The following ARHGEF9 variants were observed in gnomAD, a reference collection of about 807,000 sequenced individuals.
The protein encoded by ARHGEF9 is Cdc42 guanine nucleotide exchange factor 9.
A neutral mutation model predicts 41.3 loss-of-function variants in ARHGEF9; 2 were observed. That is an observed-to-expected ratio of 0.05 (90% CI 0.02 to 0.15). The LOEUF is 0.15. Ranked by LOEUF, ARHGEF9 falls within the 10% of genes least tolerant of loss-of-function variation. The probability of loss-of-function intolerance (pLI) is 1.00; values close to 1 mark genes in which losing one functional copy is unlikely to be tolerated. For synonymous variants in ARHGEF9, 160 were observed against 154.4 expected (o/e 1.04, Z -0.27); for missense variants, 225 against 424.7 (o/e 0.53, Z 4.13).
intron 3 of ARHGEF9, 100 bp downstream of exon 3, chrX:63,706,158 G>T (rs1302300059): frequency 3.8e-5 from 35 of 920,153 alleles, no homozygotes; most frequent in Non-Finnish European, 5.0e-5. Context: ...AATCTGGGAG[G>T]CTATGTGCCC....
chrX:63,712,996 T>C (rs188260389), intron 2 of ARHGEF9: 94 of 111,828 alleles, frequency 8.4e-4, no homozygotes, highest in African/African-American at 3.0e-3. Flanking sequence ...AATGGATCAG[T>C]AGTTCTAAAA....
At chrX:63,740,507 T>C (rs1379517410) in intron 1 of ARHGEF9, among the ~76,000 whole-genome samples, 1 of 112,365 alleles carries the variant, frequency 8.9e-6, no homozygotes, top group Non-Finnish European at 1.9e-5. Flanking sequence ...AGGGCAATAC[T>C]GGATGTTTTA....
At position 63,760,225 on chromosome X, in the gene ARHGEF9, C is replaced by T. The variant is rs150308721; in HGVS notation, c.30+24891G>A. Among the ~76,000 whole-genome samples, 200 of 110,761 alleles carry T rather than the reference C, an allele frequency of 1.8e-3. 1 individual carries two copies. The highest frequency in any genetic ancestry group is 6.2e-3 in the African/African-American group (190 of 30,476). ...TCCCGATCTCCACTGCTGCTCACTT[C>T]CCATCCAACCCCTACCCTAGCTTCC... On this transcript the variant is annotated intron_variant, in intron 1 of 9. Transcript: ENST00000671741.
intron 2 of ARHGEF9, among the ~76,000 whole-genome samples, chrX:63,722,468 C>T (rs1344694727): frequency 2.0e-5 from 2 of 99,432 alleles, no homozygotes; most frequent in African/African-American, 7.5e-5. Flanking sequence ...GGGTTGAGAA[C>T]CACTTGAGCT....
At chrX:63,703,073 T>A (rs1386656482) in intron 3 of ARHGEF9, 2 of 112,277 alleles carry the variant, frequency 1.8e-5, no homozygotes, top group African/African-American at 6.5e-5. Context: ...GCTAAACTAC[T>A]GTCTTCTGAT....
chrX:63,761,654 G>C (rs1556449707), intron 1 of ARHGEF9, among the ~76,000 whole-genome samples: 1 of 111,346 alleles, frequency 9.0e-6, no homozygotes, highest in Non-Finnish European at 1.9e-5. Context: ...AGAATTTCAA[G>C]ATCTCTTTAG....
intron 1 of ARHGEF9, among the ~76,000 whole-genome samples, chrX:63,750,475 C>A (rs2055556492): frequency 9.0e-6 from 1 of 111,453 alleles, no homozygotes; most frequent in South Asian, 3.8e-4. Context: ...AACTACTACA[C>A]CAAAACCACA....
Position 63,635,631 on chromosome X carries a change from G to C in ARHGEF9, c.*2397C>G, listed in dbSNP as rs2047281853. On this transcript the variant is annotated 3_prime_UTR_variant, in exon 10 of 10. Transcript: ENST00000671741. ...TAGTGGCATCAGGTGATGCCAGTGG[G>C]TTCAGTAGAGGAGAAGTGCGGGTTG... is the stretch of plus-strand genomic sequence containing the variant. 4 of 364,389 alleles carry C rather than the reference G, an allele frequency of 1.1e-5. No individual in the cohort carries two copies. Among genetic ancestry groups the C allele is most frequent in the Non-Finnish European group, 1.9e-5 (4 of 212,949 alleles). 30.0% of individuals were successfully genotyped at this position (364,389 alleles called of 1,213,427 possible).
At chrX:63,766,989 T>A (rs1232574094) in intron 1 of ARHGEF9, 1 of 646,731 alleles carries the variant, frequency 1.5e-6, no homozygotes, top group Non-Finnish European at 2.5e-6. Flanking sequence ...AAAACTTCAG[T>A]TCTCCTTAAA....
In ARHGEF9 at chrX:63,635,980, C is replaced by G. The variant is rs781800788; in HGVS notation, c.*2048G>C. On this transcript the variant is annotated 3_prime_UTR_variant, in exon 10 of 10. Transcript: ENST00000671741. ...TGTGCTGAACAGTGGTGGCCAGTCC[C>G]GAGCCCCGGCCCTCTCCCCAGATCA... The G allele has an allele frequency of 8.9e-6, 1 of 112,906 alleles. No homozygotes were observed. The highest frequency in any genetic ancestry group is 9.4e-5 in the Admixed American group (1 of 10,659). 9.3% of individuals were successfully genotyped at this position (112,906 alleles called of 1,213,427 possible).
chrX:63,753,489 C>T (rs2055776953), intron 1 of ARHGEF9, among the ~76,000 whole-genome samples: 1 of 110,159 alleles, frequency 9.1e-6, no homozygotes, highest in African/African-American at 3.3e-5. Context: ...GGAGCCATAT[C>T]CAAATACTAT....
intron 1 of ARHGEF9, among the ~76,000 whole-genome samples, chrX:63,761,528 G>A (rs2056033940): frequency 9.0e-6 from 1 of 111,622 alleles, no homozygotes; most frequent in Admixed American, 9.5e-5. Flanking sequence ...AGGAAGTCTT[G>A]TTATGGAAAG....
At chrX:63,777,845 G>T (rs1247465139) in intron 1 of ARHGEF9, among the ~76,000 whole-genome samples, 1 of 112,856 alleles carries the variant, frequency 8.9e-6, no homozygotes, top group Non-Finnish European at 1.9e-5. Context: ...GACTCCCACA[G>T]GCTTGGGCAA....
At chrX:63,716,847 A>G (rs1415769834) in intron 2 of ARHGEF9, among the ~76,000 whole-genome samples, 3 of 111,949 alleles carry the variant, frequency 2.7e-5, no homozygotes, top group South Asian at 3.7e-4. Context: ...CCCACAAGGG[A>G]AAGTGAACCT....
rs782341076 is a variant in ARHGEF9, at chrX:63,706,250, A to G, written c.402+8T>C. ...TGGAAGTGCCTCCACATGAACCACCATGGTTACCTCACAAATATCCTTGAG... is the reference window on the plus strand; with the variant it reads ...TGGAAGTGCCTCCACATGAACCACCGTGGTTACCTCACAAATATCCTTGAG... On this transcript the variant is annotated splice_region_variant and intron_variant, in intron 3 of 9. Coordinates refer to ENST00000671741, the MANE Select transcript of ARHGEF9 (RefSeq NM_001353921.2). 54 of 1,194,235 alleles carry G rather than the reference A, an allele frequency of 4.5e-5. No homozygotes were observed. The highest frequency in any genetic ancestry group is 6.0e-5 in the Non-Finnish European group (53 of 885,728).
At chrX:63,660,793 C>T (rs1488535443) in intron 7 of ARHGEF9, among the ~76,000 whole-genome samples, 5 of 112,113 alleles carry the variant, frequency 4.5e-5, no homozygotes, top group Admixed American at 9.4e-5. Flanking sequence ...CTCATTTAAC[C>T]CTCACAACTT....
intron 2 of ARHGEF9, chrX:63,719,687 C>T (rs868989116): frequency 3.4e-6 from 1 of 297,500 alleles, no homozygotes; most frequent in Non-Finnish European, 5.9e-6. Context: ...TCCCCATTCC[C>T]CAGTGGCTGA....
intron 1 of ARHGEF9, among the ~76,000 whole-genome samples, chrX:63,743,665 C>T (rs1304841925): frequency 8.9e-6 from 1 of 112,361 alleles, no homozygotes; most frequent in African/African-American, 3.2e-5. Context: ...TAATCCATCA[C>T]AAATCCTAGC....
At chrX:63,765,033 G>A (rs1255769215) in intron 1 of ARHGEF9, among the ~76,000 whole-genome samples, 1 of 111,669 alleles carries the variant, frequency 9.0e-6, no homozygotes, top group Admixed American at 9.5e-5. Context: ...ACTAAATGAA[G>A]ATCTCACCTA....
Sources: allele counts gnomAD v4.1 joint callset (sites outside exome capture counted in the v4.1 genomes callset), GRCh38; gene constraint gnomAD v4.1.1; transcripts MANE v1.5; gene names NCBI Gene and HGNC (gene_info 2026-07-23, HGNC 2026-07-21).